DDI2: variants seen among roughly 807,000 people sequenced by gnomAD.
DDI2 encodes the protein DDI proteasomal shuttling factor 2.
A neutral mutation model predicts 48.1 loss-of-function variants in DDI2; 5 were observed. The observed-to-expected ratio is 0.10, with a 90% CI of 0.05 to 0.22. The LOEUF is 0.22. Ranked by LOEUF, DDI2 falls within the 10% of genes least tolerant of loss-of-function variation. The pLI, the probability that DDI2 is intolerant of heterozygous loss-of-function variation, is 1.00. For synonymous variants in DDI2, 205 were observed against 183.6 expected, an observed-to-expected ratio of 1.12 and a Z score of -0.94; for missense variants, 285 against 506.2, an observed-to-expected ratio of 0.56 and a Z score of 4.19.
intron 3 of DDI2, among the ~76,000 whole-genome samples, chr1:15,631,349 C>T (rs181357551): frequency 1.3e-5 from 2 of 152,300 alleles, no homozygotes; most frequent in East Asian, 3.9e-4. Flanking sequence ...TTCTTGGGCT[C>T]AAGCAGTCTG....
intron 4 of DDI2, among the ~76,000 whole-genome samples, chr1:15,636,707 G>T (rs906458117): frequency 6.6e-6 from 1 of 152,188 alleles, no homozygotes; most frequent in Non-Finnish European, 1.5e-5. Flanking sequence ...TGATCCGCCT[G>T]CCTTGGCCTC....
chr1:15,662,371 A>G lies in DDI2; in HGVS notation c.*2581A>G, dbSNP rs982046768. 2.6e-5 allele frequency: 4 copies of G among 152,234 alleles called. No homozygotes were observed. The highest frequency in any genetic ancestry group is 7.2e-5 in the African/African-American group (3 of 41,454). 9.4% of individuals were successfully genotyped at this position (152,234 alleles called of 1,614,324 possible). The stretch of plus-strand genomic sequence containing the variant: ...AGCAGGAGGGTTTAAATCTTGGGCT[A>G]CTTTGTGCATCACAGGCTGCTGCAT... On this transcript the variant is annotated 3_prime_UTR_variant, in exon 10 of 10. Coordinates refer to ENST00000480945, the MANE Select transcript of DDI2 (RefSeq NM_032341.5).
At chr1:15,645,473 C>T (rs1355342932) in intron 6 of DDI2, among the ~76,000 whole-genome samples, 5 of 152,156 alleles carry the variant, frequency 3.3e-5, no homozygotes, top group Admixed American at 6.5e-5. Context: ...ATTTCTTCAA[C>T]TTTGTCTTCC....
At chr1:15,628,968 G>T (rs1055797376) in intron 2 of DDI2, among the ~76,000 whole-genome samples, 1 of 152,220 alleles carries the variant, frequency 6.6e-6, no homozygotes, top group East Asian at 1.9e-4. Flanking sequence ...ATGTGAGTCC[G>T]TTGTGTAAGG....
Position 15,660,838 on chromosome 1 carries a change from A to G in DDI2, c.*1048A>G, listed in dbSNP as rs1640360704. ...TAATGTTGAAATACCTGGAACAAAT[A>G]AAGAATATGGCCATTACTCCTCTCC... On this transcript the variant is annotated 3_prime_UTR_variant, in exon 10 of 10. Coordinates refer to ENST00000480945, the MANE Select transcript of DDI2 (RefSeq NM_032341.5). The G allele has an allele frequency of 1.9e-6, 3 of 1,614,086 alleles. No homozygotes were observed. Among genetic ancestry groups the G allele is most frequent in the Non-Finnish European group, 2.5e-6 (3 of 1,180,036 alleles).
rs914888841 is a variant in DDI2 at position 15,663,315 on chromosome 1, T to G, written c.*3525T>G. 3 of 152,202 alleles carry G rather than the reference T, an allele frequency of 2.0e-5. No homozygotes were observed. Among genetic ancestry groups the G allele is most frequent in the Admixed American group, 6.5e-5 (1 of 15,276 alleles). The allele number at this position is 152,202 out of a possible 1,614,324, so 9.4% of individuals were successfully genotyped here. A position where few individuals can be genotyped will look rare whatever the true frequency, so the allele number is the denominator to read the frequency against. On this transcript the variant is annotated 3_prime_UTR_variant, in exon 10 of 10. Transcript: ENST00000480945. ...AATGGAGGCTCATATCTCAGGAGTT[T>G]TTGAAATTTTAATTTAGGGGCACTT...
chr1:15,656,080 A>G (rs560964460), intron 8 of DDI2, among the ~76,000 whole-genome samples: 6 of 152,216 alleles, frequency 3.9e-5, no homozygotes, highest in Admixed American at 2.6e-4. Flanking sequence ...ACCTCAAGGG[A>G]TTCTCCCTCC....
At position 15,661,120 on chromosome 1, in the gene DDI2, C is replaced by T; in HGVS notation, c.*1330C>T. On this transcript the variant is annotated 3_prime_UTR_variant, in exon 10 of 10. Transcript: ENST00000480945. ...ACAGTGTCCACAAGTCTCCTTTCAT[C>T]AGGCCATATCTGTATCAGTGGAGAC... 2.5e-6 allele frequency: 4 copies of T among 1,613,506 alleles called. No homozygotes were observed. The highest frequency in any genetic ancestry group is 3.4e-6 in the Non-Finnish European group (4 of 1,179,796).
chr1:15,638,028 A>G (rs1639953877), intron 4 of DDI2, among the ~76,000 whole-genome samples: 1 of 152,218 alleles, frequency 6.6e-6, no homozygotes, highest in Non-Finnish European at 1.5e-5. Flanking sequence ...ATGGGGTTGT[A>G]ACCCTTGCTC....
intron 7 of DDI2, among the ~76,000 whole-genome samples, chr1:15,650,078 T>A (rs1483736080): frequency 1.3e-5 from 2 of 152,186 alleles, no homozygotes; most frequent in Non-Finnish European, 2.9e-5. Context: ...ACAGTTTGGT[T>A]CCCTTGTATA....
At chr1:15,656,371 C>A in intron 8 of DDI2, 3 of 1,359,384 alleles carry the variant, frequency 2.2e-6, no homozygotes, top group Non-Finnish European at 2.9e-6. Flanking sequence ...TGTGTAGAAA[C>A]AAAATTAATT....
chr1:15,619,075 A>G (rs7520987), intron 1 of DDI2, among the ~76,000 whole-genome samples: 130 of 152,332 alleles, frequency 8.5e-4, no homozygotes, highest in African/African-American at 2.9e-3. Flanking sequence ...GAGAACTAGG[A>G]AAGGACTGTT....
intron 8 of DDI2, among the ~76,000 whole-genome samples, chr1:15,654,428 C>T (rs575365911): frequency 2.6e-4 from 40 of 152,036 alleles, no homozygotes; most frequent in African/African-American, 8.4e-4. Context: ...CAAGGCAGGA[C>T]GACCACTTGA....
intron 3 of DDI2, among the ~76,000 whole-genome samples, chr1:15,632,645 A>G (rs1226491594): frequency 6.6e-6 from 1 of 152,230 alleles, no homozygotes; most frequent in Non-Finnish European, 1.5e-5. Flanking sequence ...CACACAAAAT[A>G]TAGGTAGACT....
At chr1:15,637,458 C>T (rs938569337) in intron 4 of DDI2, among the ~76,000 whole-genome samples, 7 of 152,112 alleles carry the variant, frequency 4.6e-5, no homozygotes, top group Non-Finnish European at 1.0e-4. Flanking sequence ...ACCTCCGCCC[C>T]CCGGGTTCAA....
intron 4 of DDI2, among the ~76,000 whole-genome samples, chr1:15,636,410 C>T (rs530993107): frequency 5.9e-5 from 9 of 151,962 alleles, no homozygotes; most frequent in Non-Finnish European, 2.9e-5. Context: ...GTGTGAGCCA[C>T]CACGCTTGGT....
intron 3 of DDI2, among the ~76,000 whole-genome samples, chr1:15,631,521 T>C (rs1371519581): frequency 6.6e-6 from 1 of 152,246 alleles, no homozygotes; most frequent in African/African-American, 2.4e-5. Flanking sequence ...TAACAGACAC[T>C]TAATGACTCA....
At chr1:15,635,896 A>G (rs1639920357) in intron 4 of DDI2, among the ~76,000 whole-genome samples, 1 of 152,246 alleles carries the variant, frequency 6.6e-6, no homozygotes, top group Non-Finnish European at 1.5e-5. Flanking sequence ...GTGCAATAGC[A>G]TAAAACCTGT....
chr1:15,643,107 C>T (rs1053638759), intron 5 of DDI2, among the ~76,000 whole-genome samples: 1 of 152,110 alleles, frequency 6.6e-6, no homozygotes, highest in African/African-American at 2.4e-5. Context: ...ATGGCGCAAG[C>T]CTGTCAATCC....
Sources: allele counts gnomAD v4.1 joint callset (sites outside exome capture counted in the v4.1 genomes callset), GRCh38; gene constraint gnomAD v4.1.1; transcripts MANE v1.5; gene names NCBI Gene and HGNC (gene_info 2026-07-23, HGNC 2026-07-21).